The following STON2 variants were observed in gnomAD, a reference collection of about 807,000 sequenced individuals.
STON2 encodes stonin-2.
Under a neutral mutation model 65.7 loss-of-function variants are expected in STON2, and 29 were observed. The ratio of observed to expected loss-of-function variants is 0.44; its 90% CI spans 0.33 to 0.60. The LOEUF is 0.60. Ranked by LOEUF, STON2 falls within the 20% of genes least tolerant of loss-of-function variation. The pLI, the probability that STON2 is intolerant of heterozygous loss-of-function variation, is 0.03. For synonymous variants in STON2, 404 were observed against 414.2 expected, an observed-to-expected ratio of 0.98 and a Z score of 0.30; for missense variants, 1,054 against 1,118.1, an observed-to-expected ratio of 0.94 and a Z score of 0.82.
intron 4 of STON2, among the ~76,000 whole-genome samples, chr14:81,331,771 A>T (rs562774121): frequency 2.0e-5 from 3 of 152,222 alleles, no homozygotes; most frequent in Non-Finnish European, 4.4e-5. Context: ...GGTTAGAGCC[A>T]TAGAAACCAA....
chr14:81,370,222 G>C (rs980635412), intron 4 of STON2, among the ~76,000 whole-genome samples: 2 of 152,114 alleles, frequency 1.3e-5, no homozygotes, highest in African/African-American at 4.8e-5. Flanking sequence ...AACACACTGG[G>C]TAATTTCATC....
intron 1 of STON2, among the ~76,000 whole-genome samples, chr14:81,399,484 T>C (rs1170897020): frequency 1.3e-5 from 2 of 152,240 alleles, no homozygotes; most frequent in African/African-American, 4.8e-5. Context: ...TTCCAATTGC[T>C]GCACAATGAA....
chr14:81,403,006 C>T (rs898995237), upstream of STON2, among the ~76,000 whole-genome samples: 2 of 152,194 alleles, frequency 1.3e-5, no homozygotes, highest in African/African-American at 4.8e-5. Context: ...CACAGGTTAG[C>T]AGCTCAATAA....
At chr14:81,303,497 G>A (rs565339485) in intron 5 of STON2, among the ~76,000 whole-genome samples, 136 of 152,234 alleles carry the variant, frequency 8.9e-4, no homozygotes, top group Middle Eastern at 3.4e-3. Flanking sequence ...GAGTCATTGC[G>A]CCACCACAGT....
chr14:81,264,026 T>C lies in STON2; in HGVS notation c.*4388A>G, dbSNP rs1894263636. 2.0e-6 allele frequency: 2 copies of C among 985,342 alleles called. No homozygotes were observed. Among genetic ancestry groups the C allele is most frequent in the Admixed American group, 6.2e-5 (1 of 16,260 alleles). The allele number at this position is 985,342 out of a possible 1,614,324, so 61.0% of individuals were successfully genotyped here. A position where few individuals can be genotyped will look rare whatever the true frequency, so the allele number is the denominator to read the frequency against. On this transcript the variant is annotated 3_prime_UTR_variant, in exon 8 of 8. Transcript: ENST00000614646. ...GCTGGAAGAACAAAGACCTACTGCA[T>C]GAAGACTGGTTGTGCACTCTATCAA...
At chr14:81,303,656 AG>A (rs1342008349) in intron 5 of STON2, among the ~76,000 whole-genome samples, 1 of 152,230 alleles carries the variant, frequency 6.6e-6, no homozygotes, top group African/African-American at 2.4e-5. Context: ...TGAGCAGATC[AG>A]GTACATGAAA....
At chr14:81,395,621 T>G (rs1900276782) in intron 3 of STON2, 1 of 400,480 alleles carries the variant, frequency 2.5e-6, no homozygotes. Flanking sequence ...TAGAAAAATA[T>G]ATATGCATTA....
intron 5 of STON2, among the ~76,000 whole-genome samples, chr14:81,308,779 CCCAT>C (rs1566901030): frequency 7.2e-4 from 1 of 1,394 alleles, no homozygotes. Flanking sequence ...CATGGTTTTA[CCCAT>C]ATATATATAT....
In STON2 at chr14:81,306,220, C is replaced by CTATTTTTTTTTTTTTTT. The variant is rs1555397665; in HGVS notation, c.742+17796_742+17797insAAAAAAAAAAAAAAATA. On this transcript the variant is annotated intron_variant, in intron 5 of 7. Coordinates refer to ENST00000614646, the MANE Select transcript of STON2 (RefSeq NM_001394390.1). ...TTATATATACACACACATACATACTCTTTTTTTTTTTTTTTTTTTTTTTTT... is the reference window on the plus strand; with the variant it reads ...TTATATATACACACACATACATACTCTATTTTTTTTTTTTTTTTTTTTTTTTTTTTTTTTTTTTTTTT... Among the ~76,000 whole-genome samples, 2 of 69,490 alleles carry CTATTTTTTTTTTTTTTT rather than the reference C, an allele frequency of 2.9e-5. 1 individual carries two copies. The highest frequency in any genetic ancestry group is 1.1e-3 in the South Asian group (2 of 1,822). 45.6% of individuals were successfully genotyped at this position (69,490 alleles called of 152,430 possible).
chr14:81,366,509 G>C (rs1213571988), intron 4 of STON2, among the ~76,000 whole-genome samples: 1 of 152,146 alleles, frequency 6.6e-6, no homozygotes, highest in South Asian at 2.1e-4. Flanking sequence ...CTCCGGATGA[G>C]ACTGCAGTTC....
intron 5 of STON2, among the ~76,000 whole-genome samples, chr14:81,311,644 G>A (rs1336556222): frequency 1.3e-5 from 2 of 152,198 alleles, no homozygotes; most frequent in Non-Finnish European, 2.9e-5. Flanking sequence ...CAGTTAGGAA[G>A]TGGCAGAGCT....
rs1894350073 is a variant in STON2, at chr14:81,266,141, T to C, written c.*2273A>G. 5.1e-6 allele frequency: 5 copies of C among 975,200 alleles called. No homozygotes were observed. The South Asian group carries it at 1.4e-4, about 28-fold the overall frequency. The allele number at this position is 975,200 out of a possible 1,614,324, so 60.4% of individuals were successfully genotyped here. ...TTACTATTGAGACTAAACCTATATT[T>C]AGAAGGAATCTTGGTAGACATATAG... On this transcript the variant is annotated 3_prime_UTR_variant, in exon 8 of 8. Coordinates refer to ENST00000614646, the MANE Select transcript of STON2 (RefSeq NM_001394390.1).
At chr14:81,426,811 A>G (rs1162105507) in intron 2 of STON2, among the ~76,000 whole-genome samples, 2 of 152,336 alleles carry the variant, frequency 1.3e-5, no homozygotes, top group East Asian at 3.9e-4. Context: ...AGGACATTTT[A>G]TAAGATTTCG....
At position 81,433,665 on chromosome 14, in the gene STON2, T is replaced by A. The variant is rs549790554; in HGVS notation, c.-310+2656A>T. Among the ~76,000 whole-genome samples the A allele has an allele frequency of 5.3e-5, 8 of 152,244 alleles. 1 individual carries two copies. The highest frequency in any genetic ancestry group is 4.1e-4 in the South Asian group (2 of 4,830). On this transcript the variant is annotated intron_variant, in intron 1 of 8. Transcript: ENST00000553821. The stretch of plus-strand genomic sequence containing the variant: ...CTGCTACTTCTGAGCAGACTTTAGA[T>A]GCTACAGTTTTGTTCTATCATGTCC...
chr14:81,393,512 C>T (rs1353516454), intron 3 of STON2, among the ~76,000 whole-genome samples: 1 of 152,204 alleles, frequency 6.6e-6, no homozygotes, highest in African/African-American at 2.4e-5. Context: ...GGTGCGGAAG[C>T]TCTCCTGCCA....
chr14:81,308,775 T>A (rs1896281206), intron 5 of STON2, among the ~76,000 whole-genome samples: 4 of 45,632 alleles, frequency 8.8e-5, no homozygotes, highest in Admixed American at 2.2e-4. Flanking sequence ...AGGACATGGT[T>A]TTACCCATAT....
chr14:81,411,271 G>C (rs1901145139), intron 2 of STON2, among the ~76,000 whole-genome samples: 1 of 152,248 alleles, frequency 6.6e-6, no homozygotes, highest in African/African-American at 2.4e-5. Context: ...AAGGTGGGAT[G>C]AGGGGAGAGT....
chr14:81,346,527 T>C (rs990717413), intron 4 of STON2, among the ~76,000 whole-genome samples: 1 of 152,170 alleles, frequency 6.6e-6, no homozygotes, highest in Non-Finnish European at 1.5e-5. Flanking sequence ...GTCAAATTTG[T>C]TGTTAAGAAA....
At chr14:81,290,075 C>T (rs904090739) in intron 5 of STON2, among the ~76,000 whole-genome samples, 1 of 152,208 alleles carries the variant, frequency 6.6e-6, no homozygotes, top group African/African-American at 2.4e-5. Context: ...AGATCAGTAA[C>T]ACTGCTGCAG....
Sources: gnomAD v4.1 joint callset for allele counts (sites outside exome capture counted in the v4.1 genomes callset) on GRCh38, gnomAD v4.1.1 for gene constraint, MANE v1.5 for transcripts, NCBI Gene and HGNC (gene_info 2026-07-23, HGNC 2026-07-21) for gene names.